RELCH: variants seen among roughly 807,000 people sequenced by gnomAD.
The protein encoded by RELCH is RAB11 binding and LisH domain, coiled-coil and HEAT repeat containing.
RELCH carries 41 observed loss-of-function variants against 150.3 expected under a neutral mutation model. The ratio of observed to expected loss-of-function variants is 0.27; its 90% CI spans 0.21 to 0.35. RELCH has a LOEUF of 0.35. Among genes scored for constraint, RELCH ranks in the 10% least tolerant of loss-of-function variants. The probability of loss-of-function intolerance (pLI) is 1.00; values close to 1 mark genes in which losing one functional copy is unlikely to be tolerated. For synonymous variants in RELCH, 478 were observed against 531.8 expected (o/e 0.90, Z 1.39); for missense variants, 1,092 against 1,467.8 (o/e 0.74, Z 4.18).
At chr18:62,281,692 T>C (rs1199140673) in intron 24 of RELCH, among the ~76,000 whole-genome samples, 1 of 152,132 alleles carries the variant, frequency 6.6e-6, no homozygotes, top group Non-Finnish European at 1.5e-5. Context: ...AAGAAAAAAG[T>C]TTTAATAAAA....
At chr18:62,267,501 TG>T in intron 19 of RELCH, among the ~76,000 whole-genome samples, 1 of 140,476 alleles carries the variant, frequency 7.1e-6, no homozygotes. Flanking sequence ...TGTGTGTGTG[TG>T]TGTGTGTGTG....
At chr18:62,245,636 C>A (rs2042370070) in intron 11 of RELCH, among the ~76,000 whole-genome samples, 1 of 151,898 alleles carries the variant, frequency 6.6e-6, no homozygotes. Flanking sequence ...TCAAAAAAAA[C>A]AAAAAGTTAA....
At chr18:62,276,649 G>A (rs2044224864) in intron 22 of RELCH, among the ~76,000 whole-genome samples, 1 of 152,086 alleles carries the variant, frequency 6.6e-6, no homozygotes, top group South Asian at 2.1e-4. Context: ...TGCAATTGGA[G>A]ATGGGGTACT....
intron 5 of RELCH, 125 bp from the exon 6 acceptor site, chr18:62,227,164 T>C: frequency 3.0e-6 from 2 of 659,652 alleles, no homozygotes; most frequent in South Asian, 4.0e-5. Flanking sequence ...GCCACTGTAC[T>C]CCAGCCTGCA....
At chr18:62,288,125 T>A (rs2145023155) in intron 26 of RELCH, among the ~76,000 whole-genome samples, 1 of 152,210 alleles carries the variant, frequency 6.6e-6, no homozygotes, top group South Asian at 2.1e-4. Flanking sequence ...CCTATGCCTA[T>A]AAAATAAAAC....
chr18:62,198,584 TG>T (rs2039207233), intron 1 of RELCH, among the ~76,000 whole-genome samples: 1 of 152,232 alleles, frequency 6.6e-6, no homozygotes, highest in Non-Finnish European at 1.5e-5. Context: ...AGTGTGTGCT[TG>T]TGAGCTCCCT....
At position 62,187,429 on chromosome 18, in the gene RELCH, C is replaced by A. The variant is rs1376406222; in HGVS notation, c.-77C>A. The A allele has an allele frequency of 7.1e-7, 1 of 1,404,016 alleles. No individual in the cohort carries two copies. Among genetic ancestry groups the A allele is most frequent in the Non-Finnish European group, 9.5e-7 (1 of 1,058,098 alleles). 87.0% of individuals were successfully genotyped at this position (1,404,016 alleles called of 1,614,324 possible). A position where few individuals can be genotyped will look rare whatever the true frequency, so the allele number is the denominator to read the frequency against. On this transcript the variant is annotated 5_prime_UTR_variant, in exon 1 of 29. Coordinates refer to ENST00000644646, the MANE Select transcript of RELCH (RefSeq NM_001346231.2). The stretch of plus-strand genomic sequence containing the variant: ...CCGGGGCTGTGGAGGTGCGCTGTGT[C>A]CCCTGAGGCCTAGAGGATTCGGGCT...
chr18:62,273,712 C>A (rs145152484), intron 20 of RELCH, among the ~76,000 whole-genome samples: 10 of 152,214 alleles, frequency 6.6e-5, no homozygotes, highest in African/African-American at 2.4e-4. Context: ...TACATAATTT[C>A]TTATTTAAAT....
chr18:62,284,799 C>T (rs1388737738), intron 25 of RELCH, among the ~76,000 whole-genome samples: 1 of 152,104 alleles, frequency 6.6e-6, no homozygotes, highest in Non-Finnish European at 1.5e-5. Context: ...TTCAGTGGCC[C>T]TTGTTCTTTC....
intron 5 of RELCH, among the ~76,000 whole-genome samples, chr18:62,225,974 G>A (rs2148401164): frequency 6.6e-6 from 1 of 151,808 alleles, no homozygotes; most frequent in East Asian, 1.9e-4. Flanking sequence ...AGTGATAGTG[G>A]AGAAAGATAC....
intron 19 of RELCH, 133 bp downstream of exon 19, chr18:62,266,882 G>A: frequency 1.7e-6 from 1 of 572,044 alleles, no homozygotes; most frequent in Non-Finnish European, 3.0e-6. Flanking sequence ...ATATTATGGA[G>A]TTCTTGGTTT....
chr18:62,266,476 T>G (rs1398812501), intron 18 of RELCH, among the ~76,000 whole-genome samples: 1 of 151,868 alleles, frequency 6.6e-6, no homozygotes, highest in East Asian at 1.9e-4. Flanking sequence ...TTGACTTGAG[T>G]TGATTTTTTC....
intron 28 of RELCH, among the ~76,000 whole-genome samples, chr18:62,299,693 T>C (rs969760882): frequency 4.6e-5 from 7 of 152,104 alleles, no homozygotes; most frequent in Non-Finnish European, 8.8e-5. Context: ...ATATTATTAG[T>C]GGTTTTTTAT....
In RELCH at chr18:62,306,839, A is replaced by G. The variant is rs909416553; in HGVS notation, c.*1305A>G. 2.0e-5 allele frequency: 3 copies of G among 152,666 alleles called. No individual in the cohort carries two copies. The highest frequency in any genetic ancestry group is 7.2e-5 in the African/African-American group (3 of 41,462). The allele number at this position is 152,666 out of a possible 1,614,324, so 9.5% of individuals were successfully genotyped here. On this transcript the variant is annotated 3_prime_UTR_variant, in exon 29 of 29. Transcript: ENST00000644646. Reference sequence around the variant, plus strand: ...CATAAGTGATTCTCATATTTGTTGTATAAACTGGTTTAATACATTTGGAAC... The same window carrying G: ...CATAAGTGATTCTCATATTTGTTGTGTAAACTGGTTTAATACATTTGGAAC...
At chr18:62,262,791 C>T (rs2043340668) in intron 16 of RELCH, among the ~76,000 whole-genome samples, 1 of 151,946 alleles carries the variant, frequency 6.6e-6, no homozygotes, top group Non-Finnish European at 1.5e-5. Context: ...CTATGGCTGC[C>T]TTAACAAAGG....
At chr18:62,251,303 G>C (rs770193763) in intron 11 of RELCH, among the ~76,000 whole-genome samples, 9 of 152,234 alleles carry the variant, frequency 5.9e-5, no homozygotes, top group Non-Finnish European at 1.2e-4. Context: ...TTTAGCTGGA[G>C]AAGGGTTTGC....
intron 15 of RELCH, among the ~76,000 whole-genome samples, chr18:62,259,607 G>A (rs1186992038): frequency 6.6e-6 from 1 of 151,800 alleles, no homozygotes; most frequent in African/African-American, 2.4e-5. Flanking sequence ...AAATATGGAG[G>A]ACATTCTTTA....
chr18:62,192,982 A>G (rs779217840), intron 1 of RELCH, among the ~76,000 whole-genome samples: 4 of 152,230 alleles, frequency 2.6e-5, no homozygotes, highest in Admixed American at 1.3e-4. Flanking sequence ...CAGTATAGCC[A>G]TTTTCATGAT....
intron 22 of RELCH, chr18:62,277,617 G>A (rs1405571473): frequency 1.1e-6 from 1 of 923,492 alleles, no homozygotes; most frequent in East Asian, 1.2e-4. Flanking sequence ...TGAGAAATGA[G>A]AAGAAAATGA....
Sources: gnomAD v4.1 joint callset for allele counts (sites outside exome capture counted in the v4.1 genomes callset) on GRCh38, gnomAD v4.1.1 for gene constraint, MANE v1.5 for transcripts, NCBI Gene and HGNC (gene_info 2026-07-23, HGNC 2026-07-21) for gene names.